The following COL24A1 variants were observed in gnomAD, a reference collection of about 807,000 sequenced individuals.
COL24A1 encodes the protein collagen alpha-1(XXIV) chain.
In COL24A1, 224 loss-of-function variants were observed where a neutral mutation model predicts 253.9. The observed-to-expected ratio is 0.88, with a 90% confidence interval of 0.79 to 0.99. The LOEUF (loss-of-function observed/expected upper bound fraction) is 0.99, where lower values mean the gene tolerates loss of function less well. Ranked by LOEUF, COL24A1 falls within the 50% of genes least tolerant of loss-of-function variation. COL24A1 has a pLI of 0.00. For missense variants in COL24A1, 2,131 were observed against 2,068.5 expected, an observed-to-expected ratio of 1.03 and a Z score of -0.59; for synonymous variants, 685 against 673.7, an observed-to-expected ratio of 1.02 and a Z score of -0.26.
chr1:85,810,814 T>C (rs1309737708), intron 47 of COL24A1, among the ~76,000 whole-genome samples: 1 of 152,214 alleles, frequency 6.6e-6, no homozygotes, highest in Non-Finnish European at 1.5e-5. Flanking sequence ...ATGCTTCCTG[T>C]AAAGCCTGAA....
At chr1:85,859,472 A>G (rs1678886057) in intron 37 of COL24A1, among the ~76,000 whole-genome samples, 1 of 152,216 alleles carries the variant, frequency 6.6e-6, no homozygotes, top group African/African-American at 2.4e-5. Flanking sequence ...GCACATATTT[A>G]AAGAACCCAT....
intron 7 of COL24A1, among the ~76,000 whole-genome samples, chr1:86,069,991 G>A (rs984944423): frequency 9.9e-5 from 15 of 152,134 alleles, no homozygotes; most frequent in African/African-American, 3.6e-4. Flanking sequence ...ATAAGGCACG[G>A]GGCCAATTCT....
At position 85,838,585 on chromosome 1, in the gene COL24A1, C is replaced by G. The variant is rs764469260; in HGVS notation, c.3681G>C (p.Lys1227Asn). 8 of 1,613,302 alleles carry G rather than the reference C, an allele frequency of 5.0e-6. No individual in the cohort carries two copies. Among genetic ancestry groups the G allele is most frequent in the African/African-American group, 1.3e-5 (1 of 74,878 alleles). ...AGTAAGGGGTATAACTTGCAATTACCTTATATCCCTCTGCTCCAGGCTCTC... is the reference window on the plus strand; with the variant it reads ...AGTAAGGGGTATAACTTGCAATTACGTTATATCCCTCTGCTCCAGGCTCTC... The part of the protein sequence containing the change: ...ERGEPGAEGY[K>N]GHVGVPGLRG... The change falls in exon 43 of 60, where the codon AAG (lysine) becomes AAC (asparagine). Residue 1227 changes from lysine (K) to asparagine (N), a missense_variant and splice_region_variant. By Grantham distance (94) the Lys-to-Asn change is moderately conservative. Transcript: ENST00000370571.
Position 85,841,236 on chromosome 1 carries a change from G to T in COL24A1, c.3613C>A (p.Pro1205Thr), listed in dbSNP as rs1317526416. 1.2e-6 allele frequency: 2 copies of T among 1,603,380 alleles called. No homozygotes were observed. The highest frequency in any genetic ancestry group is 1.7e-6 in the Non-Finnish European group (2 of 1,175,664). Residue 1205 changes from proline to threonine, a missense_variant, in exon 42 of 60, where the codon CCT becomes ACT. Coordinates refer to ENST00000370571, the MANE Select transcript of COL24A1 (RefSeq NM_152890.7). ...EDSTVLGPPG[P>T]RGEPGPVGDQ... ...AAAAGACCTACTGGTTCACCTCGAGGCCCAGGTGGTCCTAGGACTGTGCTA... is the reference window on the plus strand; with the variant it reads ...AAAAGACCTACTGGTTCACCTCGAGTCCCAGGTGGTCCTAGGACTGTGCTA...
intron 51 of COL24A1, among the ~76,000 whole-genome samples, chr1:85,781,890 C>T (rs992398287): frequency 6.6e-6 from 1 of 152,122 alleles, no homozygotes; most frequent in Non-Finnish European, 1.5e-5. Flanking sequence ...GTCAATTCCT[C>T]CCAAAGTAGG....
rs150316010 is a variant in COL24A1 at position 86,044,898 on chromosome 1, A to G, written c.1950+1927T>C. On this transcript the variant is annotated intron_variant, in intron 12 of 59. Coordinates refer to ENST00000370571, the MANE Select transcript of COL24A1 (RefSeq NM_152890.7). The stretch of plus-strand genomic sequence containing the variant: ...AGTGATATATAACAAGGGTTTTGAG[A>G]AAATACTCAATTTGCTCATCAATGT... Among the ~76,000 whole-genome samples, 374 of 152,332 alleles carry G rather than the reference A, an allele frequency of 2.5e-3. 10 individuals are homozygous for G. In the East Asian group the frequency reaches 0.046, roughly 19 times the overall value.
intron 32 of COL24A1, among the ~76,000 whole-genome samples, chr1:85,885,397 A>ATATATATT (rs60994639): frequency 7.8e-6 from 1 of 128,900 alleles, no homozygotes; most frequent in East Asian, 2.2e-4. Context: ...ATATATATAT[A>ATATATATT]TTTTTTTTTT....
intron 5 of COL24A1, among the ~76,000 whole-genome samples, chr1:86,105,397 C>T (rs1029354426): frequency 7.9e-5 from 12 of 152,270 alleles, no homozygotes; most frequent in African/African-American, 1.2e-4. Context: ...TCCAGAGGGC[C>T]GCTCTGCTGG....
Position 85,823,750 on chromosome 1 carries a change from A to AAAGATT in COL24A1, c.3682-18_3682-13dup. On this transcript the variant is annotated splice_polypyrimidine_tract_variant and intron_variant, in intron 43 of 59. Coordinates refer to ENST00000370571, the MANE Select transcript of COL24A1 (RefSeq NM_152890.7). ...ACACCCACATGGCCCTAGAAATAGA[A>AAAGATT]AAGATTACATTATTAGAGTAAGTAG... 6.2e-7 allele frequency: 1 copy of AAAGATT among 1,612,196 alleles called. No individual in the cohort carries two copies. Among genetic ancestry groups the AAAGATT allele is most frequent in the South Asian group, 1.1e-5 (1 of 90,938 alleles).
At chr1:85,873,525 C>T (rs1391844729) in intron 35 of COL24A1, among the ~76,000 whole-genome samples, 2 of 152,158 alleles carry the variant, frequency 1.3e-5, no homozygotes, top group Non-Finnish European at 2.9e-5. Context: ...AGGATGAGTT[C>T]ATGTTCTTTG....
chr1:86,126,279 T>C, intron 2 of COL24A1, 65 bp from the exon 3 acceptor site: 1 of 1,393,298 alleles, frequency 7.2e-7, no homozygotes, highest in Middle Eastern at 1.9e-4. Flanking sequence ...TTCATATAAA[T>C]GTTTGAATAT....
chr1:85,827,793 T>A (rs376815042), intron 43 of COL24A1, among the ~76,000 whole-genome samples: 1 of 152,004 alleles, frequency 6.6e-6, no homozygotes, highest in Admixed American at 6.6e-5. Context: ...TTTTTTATTG[T>A]GTCTGTTTGA....
At chr1:86,026,980 G>A (rs1029023025) in intron 14 of COL24A1, among the ~76,000 whole-genome samples, 1 of 152,156 alleles carries the variant, frequency 6.6e-6, no homozygotes, top group African/African-American at 2.4e-5. Context: ...CAGACTGGTG[G>A]CATTTTGCCC....
intron 31 of COL24A1, among the ~76,000 whole-genome samples, chr1:85,891,974 A>G (rs1372229465): frequency 3.3e-5 from 5 of 152,154 alleles, no homozygotes; most frequent in Admixed American, 3.3e-4. Context: ...TAACTATGAT[A>G]ATGATGACCA....
intron 37 of COL24A1, among the ~76,000 whole-genome samples, chr1:85,858,376 T>C (rs1180123613): frequency 6.6e-6 from 1 of 151,178 alleles, no homozygotes; most frequent in African/African-American, 2.5e-5. Flanking sequence ...ATAATCTAGA[T>C]ACAGGGCTCT....
At chr1:85,815,403 T>C (rs531452127) in intron 47 of COL24A1, among the ~76,000 whole-genome samples, 34 of 152,316 alleles carry the variant, frequency 2.2e-4, no homozygotes, top group Non-Finnish European at 5.9e-5. Context: ...CAAAAGTCTA[T>C]ACAATATTTA....
chr1:86,069,488 C>T (rs1287662122), intron 7 of COL24A1, among the ~76,000 whole-genome samples: 1 of 152,102 alleles, frequency 6.6e-6, no homozygotes, highest in Non-Finnish European at 1.5e-5. Flanking sequence ...CAATCACTGG[C>T]TCCCACACAG....
chr1:86,078,142 C>T (rs979733038), intron 7 of COL24A1, among the ~76,000 whole-genome samples: 4 of 151,996 alleles, frequency 2.6e-5, no homozygotes, highest in African/African-American at 9.7e-5. Context: ...AAGGATGATT[C>T]AACACACACA....
rs117530955 is a variant in COL24A1 at position 86,095,582 on chromosome 1, T to C, written c.1600-3262A>G. Among the ~76,000 whole-genome samples the C allele has an allele frequency of 2.4e-3, 365 of 152,188 alleles. 9 individuals are homozygous for C. The East Asian group carries it at 0.045, about 19-fold the overall frequency. ...CATTGAAGGAGAAAACTCCAAAATT[T>C]CTTATTTTCTCCCTCATTTTGTATC... On this transcript the variant is annotated intron_variant, in intron 5 of 59. Coordinates refer to ENST00000370571, the MANE Select transcript of COL24A1 (RefSeq NM_152890.7).
Sources: gnomAD v4.1 joint callset for allele counts (sites outside exome capture counted in the v4.1 genomes callset) on GRCh38, gnomAD v4.1.1 for gene constraint, MANE v1.5 for transcripts, NCBI Gene and HGNC (gene_info 2026-07-23, HGNC 2026-07-21) for gene names.